The following MACROD2 variants were observed in gnomAD, a reference collection of about 807,000 sequenced individuals.
The protein encoded by MACROD2 is mono-ADP ribosylhydrolase 2.
Under a neutral mutation model 70.4 loss-of-function variants are expected in MACROD2, and 36 were observed. The observed-to-expected ratio is 0.51, with a 90% CI of 0.39 to 0.68. MACROD2 has a LOEUF of 0.68. MACROD2 is among the 30% of genes least tolerant of loss of function. The pLI, the probability that MACROD2 is intolerant of heterozygous loss-of-function variation, is 0.00. For synonymous variants in MACROD2, 172 were observed against 178.8 expected (o/e 0.96, Z 0.30); for missense variants, 496 against 538.4 (o/e 0.92, Z 0.78).
chr20:14,935,919 T>C (rs1242546572), intron 5 of MACROD2, among the ~76,000 whole-genome samples: 1 of 152,200 alleles, frequency 6.6e-6, no homozygotes, highest in South Asian at 2.1e-4. Context: ...TGGATTTGAA[T>C]CATGTCCATC....
intron 15 of MACROD2, among the ~76,000 whole-genome samples, chr20:16,016,026 T>C (rs1159934337): frequency 6.6e-6 from 1 of 152,142 alleles, no homozygotes; most frequent in Non-Finnish European, 1.5e-5. Context: ...GAAACTGAAG[T>C]GAGATGACTT....
rs141715813 is a variant in MACROD2, at chr20:15,686,760, C to A, written c.646-175985C>A. On this transcript the variant is annotated intron_variant, in intron 8 of 17. Coordinates refer to ENST00000684519, the MANE Select transcript of MACROD2 (RefSeq NM_001351661.2). ...TGGTGGCGCACGCCTATAGTCCCAG[C>A]TACTTGGGAGACTGAAGCAGGAGAA... Among the ~76,000 whole-genome samples, 844 of 151,280 alleles carry A rather than the reference C, an allele frequency of 5.6e-3. 7 individuals carry two copies. Among genetic ancestry groups the A allele is most frequent in the African/African-American group, 0.019 (792 of 41,180 alleles).
chr20:14,834,794 T>C (rs1416252117), intron 5 of MACROD2, among the ~76,000 whole-genome samples: 1 of 152,050 alleles, frequency 6.6e-6, no homozygotes, highest in East Asian at 1.9e-4. Context: ...ATTCAAAGTG[T>C]GTTTTAAATT....
chr20:15,010,694 G>A lies in MACROD2; in HGVS notation c.419-219246G>A, dbSNP rs551351958. Among the ~76,000 whole-genome samples the A allele has an allele frequency of 1.1e-4, 16 of 152,182 alleles. No homozygotes were observed. In the East Asian group the frequency reaches 3.1e-3, roughly 29 times the overall value. On this transcript the variant is annotated intron_variant, in intron 5 of 17. Coordinates refer to ENST00000684519, the MANE Select transcript of MACROD2 (RefSeq NM_001351661.2). ...ATACCCACCGTTTTTTATATTTGTA[G>A]CTCAGCAACACAAAGACAACAAAAA...
chr20:15,125,941 T>C (rs564654668), intron 5 of MACROD2, among the ~76,000 whole-genome samples: 1 of 105,078 alleles, frequency 9.5e-6, no homozygotes, highest in South Asian at 2.6e-4. Context: ...CTACATTATG[T>C]GGCCTCTGTG....
At chr20:15,178,587 T>C (rs74686016) in intron 5 of MACROD2, among the ~76,000 whole-genome samples, 1 of 152,338 alleles carries the variant, frequency 6.6e-6, no homozygotes, top group African/African-American at 2.4e-5. Flanking sequence ...TTAACCTCCC[T>C]ATCAATCCTG....
chr20:14,696,705 G>A (rs1272235007), intron 5 of MACROD2, among the ~76,000 whole-genome samples: 1 of 152,052 alleles, frequency 6.6e-6, no homozygotes, highest in Non-Finnish European at 1.5e-5. Context: ...GCCTTAACTG[G>A]AGTTTTGCAA....
chr20:15,865,295 C>T lies in MACROD2; in HGVS notation c.727+2469C>T, dbSNP rs6110802. Among the ~76,000 whole-genome samples the T allele has an allele frequency of 2.4e-3, 368 of 152,086 alleles. 2 individuals are homozygous for T. The highest frequency in any genetic ancestry group is 8.3e-3 in the African/African-American group (345 of 41,504). On this transcript the variant is annotated intron_variant, in intron 9 of 17. Coordinates refer to ENST00000684519, the MANE Select transcript of MACROD2 (RefSeq NM_001351661.2). ...TACTAAAGGTATGCCACATGCATAACTACTACAGTTCAATAATAATGGTTC... is the reference window on the plus strand; with the variant it reads ...TACTAAAGGTATGCCACATGCATAATTACTACAGTTCAATAATAATGGTTC...
intron 8 of MACROD2, among the ~76,000 whole-genome samples, chr20:15,510,497 G>T (rs1291917009): frequency 6.6e-6 from 1 of 152,306 alleles, no homozygotes; most frequent in Non-Finnish European, 1.5e-5. Flanking sequence ...TCTAGTGGAA[G>T]TAAATGATTT....
chr20:14,218,979 C>G (rs1260564498), intron 3 of MACROD2, among the ~76,000 whole-genome samples: 1 of 152,268 alleles, frequency 6.6e-6, no homozygotes, highest in African/African-American at 2.4e-5. Context: ...TTTCCTTCAC[C>G]TTAACATTGG....
At chr20:14,786,545 A>T (rs1301082015) in intron 5 of MACROD2, among the ~76,000 whole-genome samples, 1 of 151,066 alleles carries the variant, frequency 6.6e-6, no homozygotes, top group Non-Finnish European at 1.5e-5. Context: ...ACTCTAAGGG[A>T]TTCGTTATCA....
intron 3 of MACROD2, among the ~76,000 whole-genome samples, chr20:14,406,969 T>C (rs1450709206): frequency 6.6e-6 from 1 of 152,184 alleles, no homozygotes; most frequent in Non-Finnish European, 1.5e-5. Flanking sequence ...ATGAAGCTGT[T>C]GATTGCAAAT....
chr20:16,041,167 A>G (rs2067302436), intron 15 of MACROD2, 34 bp from the exon 16 acceptor site: 3 of 1,580,568 alleles, frequency 1.9e-6, no homozygotes, highest in African/African-American at 1.4e-5. Flanking sequence ...ATAATTCTCT[A>G]TTCATCAGGG....
intron 5 of MACROD2, among the ~76,000 whole-genome samples, chr20:14,758,354 G>T (rs186039317): frequency 3.5e-4 from 54 of 152,212 alleles, no homozygotes; most frequent in African/African-American, 1.2e-3. Flanking sequence ...TCTGCATTCA[G>T]ATACAATGGC....
intron 5 of MACROD2, among the ~76,000 whole-genome samples, chr20:14,755,307 C>G (rs1199155575): frequency 1.3e-5 from 2 of 152,024 alleles, no homozygotes; most frequent in Non-Finnish European, 2.9e-5. Context: ...TTCACCTCAG[C>G]CATGTTCTCA....
chr20:15,295,279 C>T (rs931584789), intron 6 of MACROD2, among the ~76,000 whole-genome samples: 8 of 152,158 alleles, frequency 5.3e-5, no homozygotes, highest in Admixed American at 2.0e-4. Context: ...TAGAAATCTC[C>T]CAGTCTCGGG....
intron 15 of MACROD2, among the ~76,000 whole-genome samples, chr20:15,989,830 TAAA>T (rs11087152): frequency 0.018 from 2,635 of 149,078 alleles, 86 homozygotes; most frequent in African/African-American, 0.06. Flanking sequence ...GTGATTCCTT[TAAA>T]AAAAAAAAAA....
intron 3 of MACROD2, among the ~76,000 whole-genome samples, chr20:14,154,439 T>A (rs1360963668): frequency 2.0e-5 from 3 of 149,538 alleles, no homozygotes. Context: ...CAGGCTGGAG[T>A]CCAGTGGCGC....
At chr20:14,166,320 C>T (rs976777204) in intron 3 of MACROD2, among the ~76,000 whole-genome samples, 11 of 151,272 alleles carry the variant, frequency 7.3e-5, no homozygotes, top group Non-Finnish European at 1.0e-4. Context: ...TAGACAATTC[C>T]GTGTGTGTAT....
Sources: gnomAD v4.1 joint callset for allele counts (sites outside exome capture counted in the v4.1 genomes callset) on GRCh38, gnomAD v4.1.1 for gene constraint, MANE v1.5 for transcripts, NCBI Gene and HGNC (gene_info 2026-07-23, HGNC 2026-07-21) for gene names.